Variants in MIPOL1 observed in about 807,000 individuals in gnomAD.
MIPOL1 encodes mirror-image polydactyly gene 1 protein.
Under a neutral mutation model 60.9 loss-of-function variants are expected in MIPOL1, and 57 were observed. The ratio of observed to expected loss-of-function variants is 0.94; its 90% CI spans 0.76 to 1.17. The LOEUF (loss-of-function observed/expected upper bound fraction) is 1.17, where lower values mean the gene tolerates loss of function less well. MIPOL1 is among the 50% of genes most tolerant of loss of function. MIPOL1 has a pLI of 0.00. For missense variants in MIPOL1, 551 were observed against 511.6 expected (o/e 1.08, Z -0.74); for synonymous variants, 179 against 168.8 (o/e 1.06, Z -0.47).
intron 9 of MIPOL1, among the ~76,000 whole-genome samples, chr14:37,313,082 A>G (rs143889230): frequency 2.0e-5 from 3 of 152,288 alleles, no homozygotes; most frequent in African/African-American, 7.2e-5. Flanking sequence ...TCAAATACCC[A>G]TCTTCTCTTA....
At chr14:37,325,627 A>G (rs1018215289) in intron 9 of MIPOL1, among the ~76,000 whole-genome samples, 5 of 146,858 alleles carry the variant, frequency 3.4e-5, no homozygotes, top group Admixed American at 1.4e-4. Context: ...AATATTGTAT[A>G]TATCTCCTGT....
At chr14:37,214,134 G>A (rs1200759063) in intron 1 of MIPOL1, among the ~76,000 whole-genome samples, 1 of 152,118 alleles carries the variant, frequency 6.6e-6, no homozygotes, top group Admixed American at 6.6e-5. Flanking sequence ...ATTGCCTGAA[G>A]GTACAAAACT....
chr14:37,457,399 C>T (rs542933027), intron 11 of MIPOL1, among the ~76,000 whole-genome samples: 15 of 152,264 alleles, frequency 9.9e-5, no homozygotes, highest in Non-Finnish European at 2.1e-4. Context: ...CAAAAGTTTC[C>T]ACACACTGGG....
chr14:37,261,487 TA>T (rs1049602861), intron 3 of MIPOL1, among the ~76,000 whole-genome samples: 1 of 152,044 alleles, frequency 6.6e-6, no homozygotes, highest in African/African-American at 2.4e-5. Context: ...TGAGAAAATT[TA>T]AAATATGAAA....
intron 12 of MIPOL1, among the ~76,000 whole-genome samples, chr14:37,510,658 C>A (rs79597631): frequency 6.6e-6 from 1 of 152,222 alleles, no homozygotes; most frequent in East Asian, 1.9e-4. Context: ...CATGCAGATA[C>A]CTGCTGTAAA....
intron 1 of MIPOL1, among the ~76,000 whole-genome samples, chr14:37,219,053 G>C (rs1303442445): frequency 6.6e-6 from 1 of 152,194 alleles, no homozygotes; most frequent in Non-Finnish European, 1.5e-5. Flanking sequence ...GAAGTGGGTT[G>C]GGTTCCCATG....
chr14:37,533,200 A>T (rs917475924), intron 12 of MIPOL1, among the ~76,000 whole-genome samples: 2 of 152,180 alleles, frequency 1.3e-5, no homozygotes, highest in African/African-American at 2.4e-5. Context: ...AAAGATTAGG[A>T]CTTTATACAA....
chr14:37,545,178 A>G (rs953235722), intron 12 of MIPOL1, among the ~76,000 whole-genome samples: 1 of 152,236 alleles, frequency 6.6e-6, no homozygotes, highest in Non-Finnish European at 1.5e-5. Context: ...AATGCTACTA[A>G]TATCTTATAA....
At chr14:37,501,852 G>A (rs2153614465) in intron 12 of MIPOL1, 1 of 152,362 alleles carries the variant, frequency 6.6e-6, no homozygotes, top group East Asian at 1.9e-4. Context: ...GCCAAGGGAA[G>A]CCGTGACAGA....
intron 11 of MIPOL1, among the ~76,000 whole-genome samples, chr14:37,440,939 A>G (rs557865396): frequency 1.3e-5 from 2 of 152,240 alleles, no homozygotes; most frequent in African/African-American, 4.8e-5. Flanking sequence ...CTGACTTTCT[A>G]ATAATGGCCA....
Position 37,499,961 on chromosome 14 carries a change from C to T in MIPOL1, c.1085C>T (p.Thr362Ile), listed in dbSNP as rs147813506. The change falls in exon 12 of 13, where the codon ACC becomes ATC. Residue 362 changes from threonine to isoleucine, a missense_variant. Thr to Ile is a moderately conservative substitution (Grantham distance 89). Coordinates refer to ENST00000684589, the MANE Select transcript of MIPOL1 (RefSeq NM_001388067.1). ...EENLKDQFNY[T>I]LSTYEEALKN... ...AATCTGAAGGATCAGTTTAACTATA[C>T]CCTTAGTACATATGAAGAAGCTTTA... 4 of 1,611,558 alleles carry T rather than the reference C, an allele frequency of 2.5e-6. No homozygotes were observed. Among genetic ancestry groups the T allele is most frequent in the Middle Eastern group, 1.6e-4 (1 of 6,074 alleles).
intron 11 of MIPOL1, among the ~76,000 whole-genome samples, chr14:37,432,622 A>G (rs1428706352): frequency 6.6e-6 from 1 of 151,844 alleles, no homozygotes; most frequent in Non-Finnish European, 1.5e-5. Context: ...TTTTTTTTAG[A>G]CCTACAGTGT....
Position 37,414,625 on chromosome 14 carries a change from C to T in MIPOL1, c.937-8230C>T, listed in dbSNP as rs539302762. 6.6e-5 allele frequency among the ~76,000 whole-genome samples: 10 copies of T among 152,262 alleles called. No individual in the cohort carries two copies. In the South Asian group the frequency reaches 1.7e-3, roughly 25 times the overall value. ...TTAAATAATCATTTACCTTTTACTG[C>T]TTCAAGGTTTCTTCTTTGTTTTTGC... is the stretch of plus-strand genomic sequence containing the variant. On this transcript the variant is annotated intron_variant, in intron 10 of 12. Transcript: ENST00000684589.
chr14:37,397,419 G>A (rs1330669716), intron 10 of MIPOL1, among the ~76,000 whole-genome samples: 2 of 152,138 alleles, frequency 1.3e-5, no homozygotes, highest in African/African-American at 2.4e-5. Flanking sequence ...GACTCTGTGA[G>A]GGTTTTTAGC....
intron 9 of MIPOL1, among the ~76,000 whole-genome samples, chr14:37,332,430 A>G (rs2089775210): frequency 6.6e-6 from 1 of 152,200 alleles, no homozygotes; most frequent in Non-Finnish European, 1.5e-5. Context: ...GTTGAATCAA[A>G]CTGCATATAA....
intron 7 of MIPOL1, 25 bp from the exon 8 acceptor site, chr14:37,308,031 G>T: frequency 6.2e-7 from 1 of 1,605,670 alleles, no homozygotes; most frequent in East Asian, 2.2e-5. Flanking sequence ...CTACTGATCA[G>T]GCTTTCTGTG....
chr14:37,203,789 A>G (rs1229393523), intron 1 of MIPOL1, among the ~76,000 whole-genome samples: 2 of 151,866 alleles, frequency 1.3e-5, no homozygotes, highest in Non-Finnish European at 2.9e-5. Context: ...GCATTTGTTT[A>G]TTTATTTATT....
At chr14:37,417,940 C>G (rs1034008297) in intron 10 of MIPOL1, among the ~76,000 whole-genome samples, 8 of 152,058 alleles carry the variant, frequency 5.3e-5, no homozygotes, top group African/African-American at 1.9e-4. Flanking sequence ...AAATGTTTCC[C>G]TGAACATGTT....
intron 9 of MIPOL1, among the ~76,000 whole-genome samples, chr14:37,361,988 T>C (rs2153486254): frequency 6.6e-6 from 1 of 152,276 alleles, no homozygotes; most frequent in South Asian, 2.1e-4. Flanking sequence ...CTTCCCTTTG[T>C]TTTGAGCTAT....
Sources: allele counts gnomAD v4.1 joint callset (sites outside exome capture counted in the v4.1 genomes callset), GRCh38; gene constraint gnomAD v4.1.1; transcripts MANE v1.5; gene names NCBI Gene and HGNC (gene_info 2026-07-23, HGNC 2026-07-21).